TTLL11: variants seen among roughly 807,000 people sequenced by gnomAD.
TTLL11 encodes tubulin polyglutamylase TTLL11.
In TTLL11, 42 loss-of-function variants were observed where a neutral mutation model predicts 51.7. That is an observed-to-expected ratio of 0.81 (90% CI 0.64 to 1.05). The LOEUF (loss-of-function observed/expected upper bound fraction) is 1.05. TTLL11 is among the 50% of genes least tolerant of loss of function. The pLI is 0.00. For missense variants in TTLL11, 799 were observed against 940.4 expected, an observed-to-expected ratio of 0.85 and a Z score of 1.97; for synonymous variants, 381 against 383.5, an observed-to-expected ratio of 0.99 and a Z score of 0.08.
intron 6 of TTLL11, among the ~76,000 whole-genome samples, chr9:121,952,544 G>A (rs535478126): frequency 6.6e-6 from 1 of 152,124 alleles, no homozygotes; most frequent in Non-Finnish European, 1.5e-5. Flanking sequence ...TCTGTTTGGG[G>A]AGGAGGCACT....
intron 4 of TTLL11, among the ~76,000 whole-genome samples, chr9:121,980,233 A>G (rs551721729): frequency 3.5e-4 from 54 of 152,210 alleles, no homozygotes; most frequent in Non-Finnish European, 7.1e-4. Context: ...ATTGAAAAAG[A>G]TAAATTCAGA....
At chr9:121,966,563 C>G (rs1004626468) in intron 6 of TTLL11, among the ~76,000 whole-genome samples, 6 of 152,164 alleles carry the variant, frequency 3.9e-5, no homozygotes, top group Non-Finnish European at 7.3e-5. Flanking sequence ...CTGCCTCTGA[C>G]AGAAGTTTTA....
chr9:122,093,006 G>C lies in TTLL11; in HGVS notation c.143C>G (p.Ala48Gly), dbSNP rs764912568. 58 of 1,537,728 alleles carry C rather than the reference G, an allele frequency of 3.8e-5. No individual in the cohort carries two copies. Among genetic ancestry groups the C allele is most frequent in the Non-Finnish European group, 4.3e-5 (49 of 1,151,118 alleles). ...AEQVRVDAGA[A>G]GEPECKAGEE... Reference sequence around the variant, plus strand: ...CCCTGCCTTGCACTCCGGTTCCCCGGCCGCGCCCGCGTCCACGCGGACCTG... The same window carrying C: ...CCCTGCCTTGCACTCCGGTTCCCCGCCCGCGCCCGCGTCCACGCGGACCTG... Residue 48 changes from alanine to glycine, a missense_variant, in exon 1 of 9, where the codon GCC becomes GGC. Transcript: ENST00000321582.
intron 6 of TTLL11, among the ~76,000 whole-genome samples, chr9:121,936,868 A>G (rs34520935): frequency 0.17 from 25,598 of 152,218 alleles, 2,218 homozygotes; most frequent in Middle Eastern, 0.18. Context: ...AAACATAACA[A>G]TAACACCTAA....
chr9:121,927,105 G>T (rs1051771189), intron 6 of TTLL11, among the ~76,000 whole-genome samples: 1 of 152,236 alleles, frequency 6.6e-6, no homozygotes, highest in African/African-American at 2.4e-5. Flanking sequence ...GGCCGGTGGA[G>T]TTAGGATTTC....
chr9:122,068,088 G>A (rs964757895), intron 1 of TTLL11, among the ~76,000 whole-genome samples: 1 of 152,148 alleles, frequency 6.6e-6, no homozygotes, highest in Non-Finnish European at 1.5e-5. Flanking sequence ...TGTCAATAGG[G>A]CATTAATTAA....
At chr9:121,960,563 C>T (rs1240224002) in intron 6 of TTLL11, among the ~76,000 whole-genome samples, 4 of 152,150 alleles carry the variant, frequency 2.6e-5, no homozygotes. Context: ...GGTGCTTCTG[C>T]TGCCTCCTGC....
intron 8 of TTLL11, among the ~76,000 whole-genome samples, chr9:121,856,395 CTG>C (rs1237309203): frequency 6.6e-6 from 1 of 152,148 alleles, no homozygotes; most frequent in African/African-American, 2.4e-5. Context: ...CTTGACGTGT[CTG>C]TGTAATTTCA....
chr9:122,024,927 CT>C (rs1844284266), intron 3 of TTLL11, among the ~76,000 whole-genome samples: 1 of 151,904 alleles, frequency 6.6e-6, no homozygotes, highest in African/African-American at 2.4e-5. Context: ...ATAAATTGGA[CT>C]TTGTCAAAAT....
intron 3 of TTLL11, among the ~76,000 whole-genome samples, chr9:122,019,928 C>G (rs1178065234): frequency 6.6e-6 from 1 of 152,208 alleles, no homozygotes; most frequent in Non-Finnish European, 1.5e-5. Flanking sequence ...ACTTGGTTCT[C>G]ATAGTCTCTC....
intron 4 of TTLL11, among the ~76,000 whole-genome samples, chr9:121,983,190 G>C (rs931258041): frequency 2.6e-5 from 4 of 152,204 alleles, no homozygotes; most frequent in Admixed American, 2.6e-4. Context: ...ACAGAAAAAA[G>C]AAGGATGTCT....
intron 3 of TTLL11, among the ~76,000 whole-genome samples, chr9:122,004,324 G>A (rs1169603169): frequency 6.6e-6 from 1 of 151,840 alleles, no homozygotes; most frequent in Non-Finnish European, 1.5e-5. Flanking sequence ...AATATGCATT[G>A]AGCATCAGGA....
intron 6 of TTLL11, among the ~76,000 whole-genome samples, chr9:121,902,359 T>C (rs999375084): frequency 6.6e-6 from 1 of 152,218 alleles, no homozygotes; most frequent in African/African-American, 2.4e-5. Context: ...ATGATGGAGG[T>C]GGTTTTGAAT....
chr9:121,882,545 G>A (rs1178211506), intron 6 of TTLL11, among the ~76,000 whole-genome samples: 4 of 152,178 alleles, frequency 2.6e-5, no homozygotes, highest in Non-Finnish European at 5.9e-5. Context: ...TCTCTGTGGT[G>A]TTTTTCCAAC....
Position 121,821,286 on chromosome 9 carries a change from C to G in TTLL11, c.*1301G>C, listed in dbSNP as rs1836570005. On this transcript the variant is annotated 3_prime_UTR_variant, in exon 9 of 9. Transcript: ENST00000321582. This position sits in a 1 kb window ranked among gnomAD's most constrained non-coding sequence, Gnocchi z 5.0. ...CTTATTTGGGATGCACCTCTGCCTC[C>G]CAGAACCCTCCCTTGCCACGCACTA... 6.6e-6 allele frequency among the ~76,000 whole-genome samples: 1 copy of G among 152,218 alleles called. No homozygotes were observed. The highest frequency in any genetic ancestry group is 2.1e-4 in the South Asian group (1 of 4,818).
At chr9:122,086,077 A>G (rs1369780177) in intron 1 of TTLL11, among the ~76,000 whole-genome samples, 2 of 152,242 alleles carry the variant, frequency 1.3e-5, no homozygotes, top group African/African-American at 4.8e-5. Context: ...AATCCAAAAC[A>G]CTACCAAAAT....
intron 3 of TTLL11, among the ~76,000 whole-genome samples, chr9:122,029,168 C>G (rs1228925823): frequency 1.3e-5 from 2 of 152,146 alleles, no homozygotes; most frequent in Non-Finnish European, 2.9e-5. Flanking sequence ...TACAATTATG[C>G]ACTGTACAGA....
chr9:122,041,111 T>C (rs1844834717), intron 1 of TTLL11, among the ~76,000 whole-genome samples: 1 of 152,112 alleles, frequency 6.6e-6, no homozygotes, highest in African/African-American at 2.4e-5. Flanking sequence ...GAATACCAAA[T>C]TGCCCCCCCT....
chr9:121,915,145 T>C (rs1369704679), intron 6 of TTLL11, among the ~76,000 whole-genome samples: 1 of 152,188 alleles, frequency 6.6e-6, no homozygotes, highest in Non-Finnish European at 1.5e-5. Context: ...TCCACACTAG[T>C]GACCACTGGA....
Sources: gnomAD v4.1 joint callset for allele counts (sites outside exome capture counted in the v4.1 genomes callset) on GRCh38, gnomAD v4.1.1 for gene constraint, Gnocchi (gnomAD v3.1) non-coding constraint, MANE v1.5 for transcripts, NCBI Gene and HGNC (gene_info 2026-07-23, HGNC 2026-07-21) for gene names.